Variants in FRMD4A observed in about 807,000 individuals in gnomAD.
The protein encoded by FRMD4A is FERM domain-containing protein 4A.
FRMD4A carries 29 observed loss-of-function variants against 129.1 expected under a neutral mutation model. That is an observed-to-expected ratio of 0.22 (90% CI 0.17 to 0.31). FRMD4A has a LOEUF of 0.31. Ranked by LOEUF, FRMD4A falls within the 10% of genes least tolerant of loss-of-function variation. The probability of loss-of-function intolerance (pLI) is 1.00; values close to 1 mark genes in which losing one functional copy is unlikely to be tolerated. For missense variants in FRMD4A, 1,272 were observed against 1,375.8 expected (o/e 0.92, Z 1.19); for synonymous variants, 634 against 571.6 (o/e 1.11, Z -1.56).
chr10:14,150,569 A>G (rs186495521), intron 2 of FRMD4A, among the ~76,000 whole-genome samples: 51 of 152,220 alleles, frequency 3.4e-4, no homozygotes, highest in African/African-American at 1.2e-3. Context: ...CCTCTATCTC[A>G]TCAGCAGTTC....
chr10:13,901,651 T>C (rs2094821099), intron 2 of FRMD4A, among the ~76,000 whole-genome samples: 1 of 151,966 alleles, frequency 6.6e-6, no homozygotes, highest in Non-Finnish European at 1.5e-5. Context: ...TCAGCAAATA[T>C]TCCTTTTCCT....
chr10:14,006,449 A>G (rs531851263), intron 2 of FRMD4A, among the ~76,000 whole-genome samples: 1 of 152,342 alleles, frequency 6.6e-6, no homozygotes, highest in South Asian at 2.1e-4. Flanking sequence ...ATTAGTAAAC[A>G]ATGACTAACA....
At chr10:14,122,936 C>T (rs1417483509) in intron 2 of FRMD4A, among the ~76,000 whole-genome samples, 1 of 152,100 alleles carries the variant, frequency 6.6e-6, no homozygotes, top group African/African-American at 2.4e-5. Flanking sequence ...TCCTTCTAGC[C>T]ATTTGAAACT....
intron 19 of FRMD4A, among the ~76,000 whole-genome samples, chr10:13,661,082 G>T (rs1373118270): frequency 6.6e-6 from 1 of 152,190 alleles, no homozygotes; most frequent in African/African-American, 2.4e-5. Context: ...TACCTGCTGG[G>T]TGGATCGGGT....
intron 2 of FRMD4A, among the ~76,000 whole-genome samples, chr10:14,288,355 G>T (rs1589268678): frequency 6.6e-6 from 1 of 152,102 alleles, no homozygotes; most frequent in African/African-American, 2.4e-5. Flanking sequence ...GTAAGGGAAG[G>T]AGACAAAGGT....
chr10:14,252,383 A>T (rs1844469172), intron 2 of FRMD4A, among the ~76,000 whole-genome samples: 1 of 152,258 alleles, frequency 6.6e-6, no homozygotes, highest in Non-Finnish European at 1.5e-5. Flanking sequence ...TCTTTACAGG[A>T]AAAGAAAATC....
chr10:13,710,288 CGA>C (rs1564664668), intron 12 of FRMD4A: 1 of 152,262 alleles, frequency 6.6e-6, no homozygotes, highest in African/African-American at 2.4e-5. Flanking sequence ...CAGAATGCTC[CGA>C]GGGGTTGTTT....
intron 2 of FRMD4A, among the ~76,000 whole-genome samples, chr10:14,230,112 C>T (rs1843587005): frequency 6.6e-6 from 1 of 152,156 alleles, no homozygotes; most frequent in Non-Finnish European, 1.5e-5. Context: ...CATGTATACA[C>T]ATTTCTGAAT....
intron 2 of FRMD4A, among the ~76,000 whole-genome samples, chr10:13,909,331 G>C (rs2094916226): frequency 6.6e-6 from 1 of 152,196 alleles, no homozygotes; most frequent in South Asian, 2.1e-4. Flanking sequence ...TTTCTGTAGG[G>C]TGTGTGTCTT....
At chr10:13,784,547 C>A (rs936065343) in intron 5 of FRMD4A, among the ~76,000 whole-genome samples, 2 of 152,076 alleles carry the variant, frequency 1.3e-5, no homozygotes, top group Non-Finnish European at 2.9e-5. Flanking sequence ...CTTGGAATGT[C>A]CAGCTTCAAA....
intron 15 of FRMD4A, among the ~76,000 whole-genome samples, chr10:13,678,886 T>C (rs1030744677): frequency 2.0e-5 from 3 of 152,216 alleles, no homozygotes; most frequent in South Asian, 2.1e-4. Context: ...TATCCAAACA[T>C]TGATCATTTC....
chr10:13,800,470 G>A (rs2093228639), intron 4 of FRMD4A, among the ~76,000 whole-genome samples: 2 of 152,144 alleles, frequency 1.3e-5, no homozygotes, highest in Non-Finnish European at 2.9e-5. Context: ...CCCACAGACT[G>A]GAATGATACA....
intron 2 of FRMD4A, among the ~76,000 whole-genome samples, chr10:14,150,782 T>G (rs373495252): frequency 6.6e-6 from 1 of 152,228 alleles, no homozygotes; most frequent in African/African-American, 2.4e-5. Flanking sequence ...ACCACACATT[T>G]CCATTTTCCT....
chr10:13,872,848 C>G (rs1047335705), intron 2 of FRMD4A, among the ~76,000 whole-genome samples: 1 of 152,006 alleles, frequency 6.6e-6, no homozygotes, highest in Non-Finnish European at 1.5e-5. Context: ...TCTACCTTTT[C>G]TTTTGTTTTG....
At chr10:13,669,145 T>G (rs1365430852) in intron 17 of FRMD4A, among the ~76,000 whole-genome samples, 3 of 134,390 alleles carry the variant, frequency 2.2e-5, no homozygotes, top group African/African-American at 8.5e-5. Context: ...CACCGCAACC[T>G]CCGACTCCCG....
intron 2 of FRMD4A, among the ~76,000 whole-genome samples, chr10:13,917,790 G>C (rs1674132851): frequency 6.6e-6 from 1 of 152,182 alleles, no homozygotes; most frequent in Non-Finnish European, 1.5e-5. Context: ...CGGCAAAGGG[G>C]ACAGGAAATC....
Position 14,319,367 on chromosome 10 carries a change from T to TCTCA in FRMD4A, c.45+10690_45+10691insTGAG, listed in dbSNP as rs112041665. ...TCTCTCTCCTCTCTCTCTCTCTCTCTCACACACACACACACACACATGATA... is the reference window on the plus strand; with the variant it reads ...TCTCTCTCCTCTCTCTCTCTCTCTCTCTCACACACACACACACACACACATGATA... On this transcript the variant is annotated intron_variant, in intron 2 of 24. Transcript: ENST00000357447. 4.9e-3 allele frequency among the ~76,000 whole-genome samples: 717 copies of TCTCA among 145,112 alleles called. 11 individuals carry two copies. Among genetic ancestry groups the TCTCA allele is most frequent in the South Asian group, 0.034 (158 of 4,604 alleles).
chr10:14,229,712 T>A (rs1232072413), intron 2 of FRMD4A, among the ~76,000 whole-genome samples: 1 of 152,192 alleles, frequency 6.6e-6, no homozygotes, highest in Non-Finnish European at 1.5e-5. Context: ...ATGTTGGGAT[T>A]ACAGGTGCGA....
At chr10:14,117,655 G>A (rs1838268532) in intron 2 of FRMD4A, among the ~76,000 whole-genome samples, 2 of 152,220 alleles carry the variant, frequency 1.3e-5, no homozygotes, top group Non-Finnish European at 2.9e-5. Context: ...TCACCTGTGG[G>A]AGAGAGAAGG....
Sources: allele counts gnomAD v4.1 joint callset (sites outside exome capture counted in the v4.1 genomes callset), GRCh38; gene constraint gnomAD v4.1.1; transcripts MANE v1.5; gene names NCBI Gene and HGNC (gene_info 2026-07-23, HGNC 2026-07-21).